The following BMAL1 variants were observed in gnomAD, a reference collection of about 807,000 sequenced individuals.
BMAL1 encodes the protein basic helix-loop-helix ARNT like 1, also known as basic helix-loop-helix ARNT-like protein 1.
At chr11:13,292,408 G>A in the BMAL1 span, among the ~76,000 whole-genome samples, 56 of 151,508 alleles carry the variant, frequency 3.7e-4, no homozygotes, top group African/African-American at 1.2e-3. Flanking sequence ...TTACCTGGGC[G>A]TAGTGGCGGG....
At chr11:13,359,761 A>G in the BMAL1 span, among the ~76,000 whole-genome samples, 5 of 152,116 alleles carry the variant, frequency 3.3e-5, no homozygotes, top group African/African-American at 1.2e-4. Context: ...AGCCTTTTAA[A>G]CCTAAGTCTT....
chr11:13,317,408 T>C, the BMAL1 span, among the ~76,000 whole-genome samples: 4 of 152,340 alleles, frequency 2.6e-5, no homozygotes, highest in East Asian at 1.9e-4. Flanking sequence ...TGGCCTTTAT[T>C]GGAATCTTGT....
the BMAL1 span, among the ~76,000 whole-genome samples, chr11:13,292,103 C>A: frequency 6.6e-6 from 1 of 152,184 alleles, no homozygotes; most frequent in Non-Finnish European, 1.5e-5. Flanking sequence ...CCTACTGTTT[C>A]TGCTGGAGGC....
At chr11:13,329,233 C>T in the BMAL1 span, among the ~76,000 whole-genome samples, 1 of 152,146 alleles carries the variant, frequency 6.6e-6, no homozygotes, top group Non-Finnish European at 1.5e-5. Flanking sequence ...CAGAACCCTC[C>T]CTGAAGAGCT....
At chr11:13,306,180 G>T in the BMAL1 span, among the ~76,000 whole-genome samples, 6 of 152,112 alleles carry the variant, frequency 3.9e-5, no homozygotes, top group Admixed American at 3.9e-4. Flanking sequence ...GTCGGGGCTA[G>T]TTTAGATGCA....
At chr11:13,332,985 G>A in the BMAL1 span, among the ~76,000 whole-genome samples, 1 of 147,332 alleles carries the variant, frequency 6.8e-6, no homozygotes, top group East Asian at 2.0e-4. Flanking sequence ...TTTTCTTTGA[G>A]AGAGAGAGTC....
the BMAL1 span, among the ~76,000 whole-genome samples, chr11:13,373,200 CAG>C: frequency 6.6e-6 from 1 of 152,154 alleles, no homozygotes; most frequent in Non-Finnish European, 1.5e-5. Flanking sequence ...GGATGAAGAA[CAG>C]AGGCCAGCCT....
chr11:13,365,259 A>G, the BMAL1 span, among the ~76,000 whole-genome samples: 119 of 150,276 alleles, frequency 7.9e-4, no homozygotes, highest in African/African-American at 2.8e-3. Flanking sequence ...CTTTCTTCCT[A>G]TAATAATTAG....
the BMAL1 span, among the ~76,000 whole-genome samples, chr11:13,355,461 T>G: frequency 6.6e-6 from 1 of 152,188 alleles, no homozygotes; most frequent in East Asian, 1.9e-4. Context: ...GCCACTGATG[T>G]GTTCTAAGGC....
At chr11:13,284,984 C>T in the BMAL1 span, among the ~76,000 whole-genome samples, 1 of 152,158 alleles carries the variant, frequency 6.6e-6, no homozygotes, top group Non-Finnish European at 1.5e-5. Context: ...CCCTAGGCCA[C>T]CTCACTTCAC....
the BMAL1 span, among the ~76,000 whole-genome samples, chr11:13,306,883 C>T: frequency 6.6e-6 from 1 of 152,262 alleles, no homozygotes; most frequent in Non-Finnish European, 1.5e-5. Flanking sequence ...TGGCATCAGA[C>T]CTCTCTACTG....
At chr11:13,369,846 G>A in the BMAL1 span, 2 of 1,537,294 alleles carry the variant, frequency 1.3e-6, no homozygotes, top group Non-Finnish European at 1.8e-6. Flanking sequence ...CTGGGCGTTG[G>A]TTCCATGGTT....
chr11:13,348,403 G>A, the BMAL1 span, among the ~76,000 whole-genome samples: 9 of 152,132 alleles, frequency 5.9e-5, no homozygotes, highest in Non-Finnish European at 8.8e-5. Flanking sequence ...GGGGTATCCC[G>A]CCTCTGACCA....
the BMAL1 span, among the ~76,000 whole-genome samples, chr11:13,304,201 G>A: frequency 6.6e-6 from 1 of 152,182 alleles, no homozygotes; most frequent in African/African-American, 2.4e-5. Context: ...AGGGAGCAAG[G>A]GGGATGCAGG....
the BMAL1 span, among the ~76,000 whole-genome samples, chr11:13,319,699 A>G: frequency 6.6e-6 from 1 of 152,250 alleles, no homozygotes; most frequent in Non-Finnish European, 1.5e-5. Context: ...TTAAATAATT[A>G]TTAAGGATAT....
the BMAL1 span, among the ~76,000 whole-genome samples, chr11:13,366,437 TTA>T: frequency 6.6e-6 from 1 of 152,118 alleles, no homozygotes; most frequent in Non-Finnish European, 1.5e-5. Flanking sequence ...CATAAACTGT[TTA>T]TATAATTGAG....
chr11:13,292,064 G>C, the BMAL1 span, among the ~76,000 whole-genome samples: 1 of 152,136 alleles, frequency 6.6e-6, no homozygotes, highest in Admixed American at 6.5e-5. Context: ...GAAGAGCTCT[G>C]GTTGTGGTTG....
the BMAL1 span, among the ~76,000 whole-genome samples, chr11:13,284,239 TATATATATATATATATATATATATA>T: frequency 5.9e-4 from 1 of 1,684 alleles, no homozygotes; most frequent in Admixed American, 0.013. Context: ...TGTGTGTATA[TATATATATATATATATATATATATA>T]TATTTTTTTT....
the BMAL1 span, chr11:13,386,781 G>A: frequency 6.2e-7 from 1 of 1,609,448 alleles, no homozygotes; most frequent in East Asian, 2.2e-5. Context: ...TTTGGCAACA[G>A]CTATAGTATC....
Sources: gnomAD v4.1 joint callset for allele counts (sites outside exome capture counted in the v4.1 genomes callset) on GRCh38, gnomAD v4.1.1 for gene constraint, MANE v1.5 for transcripts, NCBI Gene and HGNC (gene_info 2026-07-23, HGNC 2026-07-21) for gene names.